RB1: variants seen among roughly 807,000 people sequenced by gnomAD.
RB1 encodes RB transcriptional corepressor 1, also known as retinoblastoma-associated protein.
Under a neutral mutation model 135.4 loss-of-function variants are expected in RB1, and 18 were observed. The observed-to-expected ratio is 0.13, with a 90% CI of 0.09 to 0.20. The LOEUF is 0.20. RB1 is among the 10% of genes least tolerant of loss of function. The pLI is 1.00. For synonymous variants in RB1, 365 were observed against 373.2 expected (o/e 0.98, Z 0.25); for missense variants, 868 against 1,110.0 (o/e 0.78, Z 3.10).
intron 16 of RB1, 143 bp downstream of exon 16, chr13:48,380,384 T>C: frequency 3.1e-6 from 2 of 642,660 alleles, no homozygotes; most frequent in South Asian, 2.3e-5. Context: ...AAGAATGTAA[T>C]TGGTCATTAT....
chr13:48,334,781 C>T (rs1489029453), intron 2 of RB1, among the ~76,000 whole-genome samples: 1 of 152,136 alleles, frequency 6.6e-6, no homozygotes, highest in Non-Finnish European at 1.5e-5. Context: ...TAAGTTGTCA[C>T]TAATTAGGGG....
At chr13:48,327,829 C>T (rs374736520) in intron 2 of RB1, among the ~76,000 whole-genome samples, 1,643 of 152,236 alleles carry the variant, frequency 0.011, 30 homozygotes, top group African/African-American at 0.037. Context: ...TTTCTGATTT[C>T]TTTATTATCT....
chr13:48,374,423 G>C (rs898151150), intron 12 of RB1, among the ~76,000 whole-genome samples: 1 of 152,062 alleles, frequency 6.6e-6, no homozygotes, highest in African/African-American at 2.4e-5. Context: ...TGTGCTTTTT[G>C]TACTTGTTAA....
intron 6 of RB1, among the ~76,000 whole-genome samples, chr13:48,353,855 T>C (rs1183849410): frequency 1.3e-5 from 2 of 152,148 alleles, no homozygotes; most frequent in Admixed American, 1.3e-4. Flanking sequence ...ATCATTTAAA[T>C]TGATGCTGAA....
intron 2 of RB1, among the ~76,000 whole-genome samples, chr13:48,321,161 C>T (rs1457781825): frequency 6.6e-6 from 1 of 152,132 alleles, no homozygotes. Context: ...CGTCCCGCGT[C>T]CCGCATCCGG....
intron 11 of RB1, among the ~76,000 whole-genome samples, chr13:48,371,850 C>G (rs927266005): frequency 5.3e-5 from 8 of 152,070 alleles, no homozygotes; most frequent in African/African-American, 1.9e-4. Context: ...GGTGATACAG[C>G]AGGAGGTGAG....
chr13:48,349,818 C>T (rs1392427683), intron 6 of RB1, among the ~76,000 whole-genome samples: 1 of 152,000 alleles, frequency 6.6e-6, no homozygotes, highest in Non-Finnish European at 1.5e-5. Flanking sequence ...TATAAAGACA[C>T]ATACCGACTG....
intron 17 of RB1, among the ~76,000 whole-genome samples, chr13:48,443,397 T>A (rs1949257086): frequency 6.6e-6 from 1 of 152,066 alleles, no homozygotes; most frequent in African/African-American, 2.4e-5. Context: ...GAGTTTTAGT[T>A]TTAATATCTA....
intron 19 of RB1, among the ~76,000 whole-genome samples, 154 bp downstream of exon 19, chr13:48,456,503 T>A (rs1316280144): frequency 6.6e-6 from 1 of 152,222 alleles, no homozygotes; most frequent in African/African-American, 2.4e-5. Context: ...AATGATAATG[T>A]TGCGAGATCT....
intron 6 of RB1, among the ~76,000 whole-genome samples, chr13:48,354,809 T>G (rs931396965): frequency 4.6e-5 from 7 of 151,822 alleles, no homozygotes; most frequent in Admixed American, 1.3e-4. Context: ...CAAGAACATA[T>G]GCTGGGGAAA....
chr13:48,371,164 G>A lies in RB1; in HGVS notation c.1128-2241G>A, dbSNP rs4151511. On this transcript the variant is annotated intron_variant, in intron 11 of 26. Transcript: ENST00000267163. ...GCCATACTCACAAATTTGGAGTGTA[G>A]CATGTGCATGATATAGCCTGTGCTA... Among the ~76,000 whole-genome samples the A allele has an allele frequency of 5.4e-3, 825 of 152,276 alleles. 6 individuals carry two copies. The highest frequency in any genetic ancestry group is 6.1e-3 in the Non-Finnish European group (412 of 68,008).
At chr13:48,312,367 T>C (rs186625768) in intron 2 of RB1, among the ~76,000 whole-genome samples, 19 of 152,336 alleles carry the variant, frequency 1.2e-4, no homozygotes, top group South Asian at 8.3e-4. Context: ...TTTTCTCTCA[T>C]TGGAGGTTCC....
intron 12 of RB1, among the ~76,000 whole-genome samples, chr13:48,374,590 G>A (rs1408401627): frequency 1.3e-5 from 2 of 152,050 alleles, no homozygotes; most frequent in African/African-American, 2.4e-5. Flanking sequence ...GCATAAAGTC[G>A]CTTTTGTTTA....
chr13:48,379,692 T>A, intron 14 of RB1, 42 bp downstream of exon 14: 1 of 1,582,078 alleles, frequency 6.3e-7, no homozygotes, highest in South Asian at 1.1e-5. Context: ...CCGGGCGCGG[T>A]GGCTCACGCC....
chr13:48,337,503 C>G (rs1292171809), intron 2 of RB1, among the ~76,000 whole-genome samples: 1 of 152,034 alleles, frequency 6.6e-6, no homozygotes, highest in Non-Finnish European at 1.5e-5. Flanking sequence ...GATTGCAACC[C>G]CTGCCTTTTT....
chr13:48,343,237 G>A (rs1952462866), intron 3 of RB1, among the ~76,000 whole-genome samples: 1 of 152,088 alleles, frequency 6.6e-6, no homozygotes, highest in African/African-American at 2.4e-5. Flanking sequence ...CTCATAAGAA[G>A]AGTTTATTAA....
intron 9 of RB1, among the ~76,000 whole-genome samples, 153 bp from the exon 10 acceptor site, chr13:48,367,341 G>A (rs534814372): frequency 3.4e-4 from 51 of 152,136 alleles, no homozygotes; most frequent in Admixed American, 1.7e-3. Flanking sequence ...CTCACTTTTA[G>A]ATAGACCTTA....
intron 2 of RB1, chr13:48,316,967 G>C: frequency 2.5e-6 from 1 of 398,320 alleles, no homozygotes; most frequent in Non-Finnish European, 4.7e-6. Flanking sequence ...GGTCCTGGTC[G>C]TCCCTATCGA....
intron 17 of RB1, among the ~76,000 whole-genome samples, chr13:48,394,532 C>G (rs191352073): frequency 7.4e-4 from 112 of 152,316 alleles, no homozygotes; most frequent in African/African-American, 2.6e-3. Context: ...TCACAGCAGT[C>G]TGAGGTCGAC....
Sources: allele counts gnomAD v4.1 joint callset (sites outside exome capture counted in the v4.1 genomes callset), GRCh38; gene constraint gnomAD v4.1.1; transcripts MANE v1.5; gene names NCBI Gene and HGNC (gene_info 2026-07-23, HGNC 2026-07-21).